The following ATPSCKMT variants were observed in gnomAD, a reference collection of about 807,000 sequenced individuals.
ATPSCKMT encodes ATP synthase subunit C lysine N-methyltransferase.
Under a neutral mutation model 24.3 loss-of-function variants are expected in ATPSCKMT, and 24 were observed. The ratio of observed to expected loss-of-function variants is 0.99; its 90% CI spans 0.71 to 1.39. The LOEUF (loss-of-function observed/expected upper bound fraction) is 1.39, where lower values mean the gene tolerates loss of function less well. Ranked by LOEUF, ATPSCKMT falls within the 40% of genes most tolerant of loss-of-function variation. The pLI is 0.00. For synonymous variants in ATPSCKMT, 95 were observed against 110.5 expected (o/e 0.86, Z 0.88); for missense variants, 311 against 298.4 (o/e 1.04, Z -0.31).
chr5:10,246,422 GACAGAACA>G (rs1744931628), intron 1 of ATPSCKMT, among the ~76,000 whole-genome samples: 2 of 148,594 alleles, frequency 1.3e-5, no homozygotes, highest in South Asian at 4.3e-4. Flanking sequence ...CAGCCTGGGA[GACAGAACA>G]AGACCCTGTC....
At chr5:10,238,929 G>T in intron 2 of ATPSCKMT, 138 bp downstream of exon 2, 1 of 1,048,432 alleles carries the variant, frequency 9.5e-7, no homozygotes, top group Non-Finnish European at 1.4e-6. Flanking sequence ...TGAATAGTTT[G>T]GTCAAACAAA....
chr5:10,247,155 T>C (rs1561036582), intron 1 of ATPSCKMT, among the ~76,000 whole-genome samples: 1 of 152,150 alleles, frequency 6.6e-6, no homozygotes, highest in Non-Finnish European at 1.5e-5. Context: ...GGGCAATGAG[T>C]CTCTTGATGA....
intron 2 of ATPSCKMT, chr5:10,237,098 A>C: frequency 2.7e-6 from 3 of 1,106,596 alleles, no homozygotes; most frequent in South Asian, 2.6e-5. Flanking sequence ...ATGACTGTTT[A>C]CTCAAAACTG....
intron 1 of ATPSCKMT, among the ~76,000 whole-genome samples, chr5:10,243,711 G>C (rs563059212): frequency 6.6e-6 from 1 of 152,348 alleles, no homozygotes; most frequent in South Asian, 2.1e-4. Context: ...GAACTGAAAA[G>C]AGTTAGGGCC....
Position 10,245,746 on chromosome 5 carries a change from C to CA in ATPSCKMT, c.16+4111dup, listed in dbSNP as rs773111276. 4.6e-3 allele frequency among the ~76,000 whole-genome samples: 431 copies of CA among 94,070 alleles called. 1 individual carries two copies. The highest frequency in any genetic ancestry group is 0.02 in the South Asian group (65 of 3,230). 61.7% of individuals were successfully genotyped at this position (94,070 alleles called of 152,430 possible). A position where few individuals can be genotyped will look rare whatever the true frequency, so the allele number is the denominator to read the frequency against. On this transcript the variant is annotated intron_variant, in intron 1 of 4. Coordinates refer to ENST00000511437, the MANE Select transcript of ATPSCKMT (RefSeq NM_199133.4). ...TGGGTGACAGAGTGAGACCTCATTA[C>CA]AAAAAAAAAAAAAAAGATTTTGCAA...
At chr5:10,249,746 C>T in intron 1 of ATPSCKMT, 112 bp downstream of exon 1, 1 of 1,459,302 alleles carries the variant, frequency 6.9e-7, no homozygotes. Context: ...AGAGCAGCCG[C>T]CCGCACCCGG....
chr5:10,243,827 C>G (rs1235540391), intron 1 of ATPSCKMT, among the ~76,000 whole-genome samples: 1 of 152,206 alleles, frequency 6.6e-6, no homozygotes, highest in Non-Finnish European at 1.5e-5. Flanking sequence ...TTTTCACTTT[C>G]TTATCATTTG....
At chr5:10,228,377 T>A (rs1431659696) in intron 4 of ATPSCKMT, among the ~76,000 whole-genome samples, 1 of 152,214 alleles carries the variant, frequency 6.6e-6, no homozygotes, top group Admixed American at 6.5e-5. Flanking sequence ...ATCCATAATA[T>A]ACTGATAATG....
Position 10,233,047 on chromosome 5 carries a change from C to T in ATPSCKMT, c.495+2164G>A, listed in dbSNP as rs185020390. On this transcript the variant is annotated intron_variant, in intron 4 of 4. Transcript: ENST00000511437. ...GGCACCTCTGATTTTGAGCTACAAC[C>T]GCACAGAGCTGTTAGGGATCATCAG... Among the ~76,000 whole-genome samples, 139 of 152,304 alleles carry T rather than the reference C, an allele frequency of 9.1e-4. 1 individual carries two copies. The highest frequency in any genetic ancestry group is 5.9e-3 in the Admixed American group (90 of 15,308).
chr5:10,229,687 G>A (rs370452281), intron 4 of ATPSCKMT, among the ~76,000 whole-genome samples: 6 of 152,244 alleles, frequency 3.9e-5, no homozygotes, highest in African/African-American at 9.6e-5. Flanking sequence ...GCACTCTACC[G>A]TAAGGAACAG....
At chr5:10,228,096 C>T (rs190118532) in intron 4 of ATPSCKMT, among the ~76,000 whole-genome samples, 3 of 152,320 alleles carry the variant, frequency 2.0e-5, no homozygotes, top group African/African-American at 7.2e-5. Flanking sequence ...CTGCCCACCT[C>T]GGCCTCCCAA....
At chr5:10,240,235 A>G (rs79175733) in intron 1 of ATPSCKMT, among the ~76,000 whole-genome samples, 4,851 of 147,366 alleles carry the variant, frequency 0.033, 101 homozygotes, top group Middle Eastern at 0.049. Context: ...CTCTGTCTCA[A>G]AAAAAAAAAA....
chr5:10,239,826 G>A (rs1744543002), intron 1 of ATPSCKMT, among the ~76,000 whole-genome samples: 1 of 152,140 alleles, frequency 6.6e-6, no homozygotes, highest in Non-Finnish European at 1.5e-5. Context: ...CTACAATCCA[G>A]TTTCACCAAT....
At chr5:10,227,677 G>A (rs761330656) in intron 4 of ATPSCKMT, 30 bp from the exon 5 acceptor site, 2 of 1,606,438 alleles carry the variant, frequency 1.2e-6, no homozygotes, top group South Asian at 2.2e-5. Flanking sequence ...TTATTTTAGT[G>A]AGCAGTGAGT....
intron 1 of ATPSCKMT, among the ~76,000 whole-genome samples, chr5:10,240,996 C>CA (rs57093278): frequency 0.28 from 34,050 of 122,586 alleles, 4,511 homozygotes; most frequent in African/African-American, 0.34. Flanking sequence ...AACTCCATGT[C>CA]AAAAAAAAAA....
At chr5:10,235,765 T>G (rs1013934986) in intron 3 of ATPSCKMT, among the ~76,000 whole-genome samples, 5 of 152,206 alleles carry the variant, frequency 3.3e-5, no homozygotes, top group Non-Finnish European at 5.9e-5. Flanking sequence ...TAAAATGGTC[T>G]TTAGTTGAAA....
intron 4 of ATPSCKMT, among the ~76,000 whole-genome samples, chr5:10,231,892 G>T (rs1744154077): frequency 6.6e-6 from 1 of 152,186 alleles, no homozygotes; most frequent in Non-Finnish European, 1.5e-5. Context: ...AGAACATAAT[G>T]ATAATATTTT....
chr5:10,247,514 A>G (rs960550771), intron 1 of ATPSCKMT, among the ~76,000 whole-genome samples: 3 of 151,998 alleles, frequency 2.0e-5, no homozygotes, highest in Non-Finnish European at 4.4e-5. Flanking sequence ...CTAATTTTTT[A>G]AATTTTTTTC....
intron 1 of ATPSCKMT, among the ~76,000 whole-genome samples, chr5:10,245,002 C>A (rs2578624): frequency 6.6e-6 from 1 of 151,876 alleles, no homozygotes; most frequent in Admixed American, 6.5e-5. Context: ...TTGTACAGTA[C>A]AGCAGTTAAG....
Sources: allele counts gnomAD v4.1 joint callset (sites outside exome capture counted in the v4.1 genomes callset), GRCh38; gene constraint gnomAD v4.1.1; transcripts MANE v1.5; gene names NCBI Gene and HGNC (gene_info 2026-07-23, HGNC 2026-07-21).